SH3RF2: variants seen among roughly 807,000 people sequenced by gnomAD.
The protein encoded by SH3RF2 is E3 ubiquitin-protein ligase SH3RF2.
A neutral mutation model predicts 59.0 loss-of-function variants in SH3RF2; 43 were observed. That is an observed-to-expected ratio of 0.73 (90% CI 0.57 to 0.94). The LOEUF (loss-of-function observed/expected upper bound fraction) is 0.94. Ranked by LOEUF, SH3RF2 falls within the 40% of genes least tolerant of loss-of-function variation. The pLI is 0.00. For synonymous variants in SH3RF2, 391 were observed against 391.5 expected (o/e 1.00, Z 0.01); for missense variants, 930 against 940.1 (o/e 0.99, Z 0.14).
At chr5:145,996,120 C>T (rs950133049) in intron 2 of SH3RF2, among the ~76,000 whole-genome samples, 2 of 152,228 alleles carry the variant, frequency 1.3e-5, no homozygotes, top group African/African-American at 2.4e-5. Context: ...CTCCACCATT[C>T]CATCAGCAAA....
intron 5 of SH3RF2, among the ~76,000 whole-genome samples, chr5:146,034,559 C>T (rs1283666290): frequency 6.6e-6 from 1 of 152,214 alleles, no homozygotes; most frequent in East Asian, 1.9e-4. Context: ...GCCTGTCTCA[C>T]TGGGACCCTG....
At chr5:146,062,069 G>A (rs1013716992) in intron 9 of SH3RF2, among the ~76,000 whole-genome samples, 17 of 152,184 alleles carry the variant, frequency 1.1e-4, no homozygotes, top group Non-Finnish European at 7.3e-5. Flanking sequence ...ACGTAGAGAG[G>A]AGAGAGGCAA....
At chr5:145,961,234 A>AAAG (rs1758619838) in intron 2 of SH3RF2, among the ~76,000 whole-genome samples, 1 of 121,958 alleles carries the variant, frequency 8.2e-6, no homozygotes, top group Non-Finnish European at 1.6e-5. Context: ...GTAGTGGGGG[A>AAAG]AAGTTCTGAG....
chr5:146,071,519 T>C (rs1580958825), intron 9 of SH3RF2, among the ~76,000 whole-genome samples: 1 of 152,254 alleles, frequency 6.6e-6, no homozygotes, highest in African/African-American at 2.4e-5. Flanking sequence ...TAAGCGTAAG[T>C]TGTTTTTAGA....
At chr5:145,993,826 C>G (rs1171564758) in intron 2 of SH3RF2, among the ~76,000 whole-genome samples, 5 of 152,094 alleles carry the variant, frequency 3.3e-5, no homozygotes, top group Non-Finnish European at 7.4e-5. Flanking sequence ...CACCACCCCC[C>G]TGTCGTCTTG....
At chr5:146,051,705 A>T in intron 7 of SH3RF2, among the ~76,000 whole-genome samples, 1 of 152,220 alleles carries the variant, frequency 6.6e-6, no homozygotes. Context: ...CAGCAGACTA[A>T]GCCTGAGATG....
At chr5:146,013,170 CACT>C (rs1353364388) in intron 4 of SH3RF2, among the ~76,000 whole-genome samples, 2 of 152,196 alleles carry the variant, frequency 1.3e-5, no homozygotes, top group African/African-American at 4.8e-5. Flanking sequence ...TTCATTCACT[CACT>C]ATTCCACAAA....
intron 7 of SH3RF2, among the ~76,000 whole-genome samples, chr5:146,054,215 G>A (rs560955810): frequency 6.6e-6 from 1 of 152,210 alleles, no homozygotes; most frequent in Non-Finnish European, 1.5e-5. Context: ...TGTTGGATGG[G>A]AGACTTGGGA....
At chr5:146,053,216 C>T (rs993670215) in intron 7 of SH3RF2, among the ~76,000 whole-genome samples, 14 of 152,206 alleles carry the variant, frequency 9.2e-5, no homozygotes, top group Admixed American at 5.9e-4. Flanking sequence ...GTCCAGCCCT[C>T]GGTGCTAGAT....
At chr5:145,941,313 G>A (rs1017007408) in intron 2 of SH3RF2, among the ~76,000 whole-genome samples, 14 of 152,178 alleles carry the variant, frequency 9.2e-5, no homozygotes, top group African/African-American at 3.4e-4. Context: ...CACACCTCAT[G>A]GTGCCAGCCC....
intron 2 of SH3RF2, among the ~76,000 whole-genome samples, chr5:145,976,201 G>A (rs1759287642): frequency 6.6e-6 from 1 of 152,136 alleles, no homozygotes; most frequent in South Asian, 2.1e-4. Context: ...AAAGAGGCCA[G>A]GATTCGCCCT....
At chr5:146,002,189 G>T (rs868277199) in intron 3 of SH3RF2, among the ~76,000 whole-genome samples, 1 of 152,154 alleles carries the variant, frequency 6.6e-6, no homozygotes, top group African/African-American at 2.4e-5. Context: ...GGTGGCTCAC[G>T]CCTGCAATCC....
In SH3RF2 at chr5:145,961,174, CTTTTTTT is replaced by C. The variant is rs869156939; in HGVS notation, c.378+22886_378+22892del. ...GGAGCTGCTGCATTCCTGCATCCTC[CTTTTTTT>C]TTTTTTTTTTTTTTTTTGCCTCATG... On this transcript the variant is annotated intron_variant, in intron 2 of 9. Coordinates refer to ENST00000359120, the MANE Select transcript of SH3RF2 (RefSeq NM_152550.4). 9.9e-3 allele frequency among the ~76,000 whole-genome samples: 900 copies of C among 91,008 alleles called. 13 individuals carry two copies. The highest frequency in any genetic ancestry group is 0.039 in the African/African-American group (858 of 21,762). The allele number at this position is 91,008 out of a possible 152,430, so 59.7% of individuals were successfully genotyped here.
intron 8 of SH3RF2, 86 bp downstream of exon 8, chr5:146,056,299 A>C (rs1192102603): frequency 6.3e-7 from 1 of 1,585,856 alleles, no homozygotes; most frequent in Non-Finnish European, 8.6e-7. Flanking sequence ...TTTTGCAAAA[A>C]CAGGATCTTG....
rs192670273 is a variant in SH3RF2, at chr5:145,964,054, G to A, written c.378+25748G>A. On this transcript the variant is annotated intron_variant, in intron 2 of 9. Transcript: ENST00000359120. Reference sequence around the variant, plus strand: ...TCACCGTGTTAGACAGGATGGTCTCGATCTCCTGACCTCGTGATCTACCCA... The same window carrying A: ...TCACCGTGTTAGACAGGATGGTCTCAATCTCCTGACCTCGTGATCTACCCA... Among the ~76,000 whole-genome samples the A allele has an allele frequency of 1.8e-3, 266 of 151,696 alleles. 1 individual carries two copies. Among genetic ancestry groups the A allele is most frequent in the African/African-American group, 6.4e-3 (265 of 41,436 alleles).
chr5:145,996,008 T>C (rs1282802504), intron 2 of SH3RF2, among the ~76,000 whole-genome samples: 2 of 152,222 alleles, frequency 1.3e-5, no homozygotes. Context: ...ACATATATCT[T>C]TGCTCATTTG....
rs1277547287 is a variant in SH3RF2 at position 146,000,085 on chromosome 5, T to A, written c.406T>A (p.Tyr136Asn). Residue 136 changes from tyrosine to asparagine, a missense_variant, in exon 3 of 10, where the codon TAC becomes AAC. By Grantham distance (143) the Tyr-to-Asn change is moderately radical (BLOSUM62 -2). Transcript: ENST00000359120. ...GVPRAKALCN[Y>N]RGQNPGDLRF... is the part of the protein sequence containing the mutation. ...GCCTCGAGCAAAGGCCTTATGCAACTACAGAGGGCAGAATCCCGGTGACCT... is the reference window on the plus strand; with the variant it reads ...GCCTCGAGCAAAGGCCTTATGCAACAACAGAGGGCAGAATCCCGGTGACCT... 1.2e-6 allele frequency: 2 copies of A among 1,613,322 alleles called. No homozygotes were observed. Among genetic ancestry groups the A allele is most frequent in the Admixed American group, 3.3e-5 (2 of 59,848 alleles).
intron 2 of SH3RF2, among the ~76,000 whole-genome samples, chr5:145,967,288 G>A (rs1342532800): frequency 6.6e-6 from 1 of 151,982 alleles, no homozygotes; most frequent in East Asian, 1.9e-4. Context: ...CCTCTAATTG[G>A]CCCATTTATG....
At chr5:145,947,860 T>C (rs115732576) in intron 2 of SH3RF2, among the ~76,000 whole-genome samples, 1,778 of 152,366 alleles carry the variant, frequency 0.012, 35 homozygotes, top group African/African-American at 0.04. Context: ...TGGTCTTTTA[T>C]GTAAACCACA....
Sources: gnomAD v4.1 joint callset for allele counts (sites outside exome capture counted in the v4.1 genomes callset) on GRCh38, gnomAD v4.1.1 for gene constraint, MANE v1.5 for transcripts, NCBI Gene and HGNC (gene_info 2026-07-23, HGNC 2026-07-21) for gene names.